Variants in ASAP1 observed in about 807,000 individuals in gnomAD.
ASAP1 encodes the protein arf-GAP with SH3 domain, ANK repeat and PH domain-containing protein 1.
In ASAP1, 43 loss-of-function variants were observed where a neutral mutation model predicts 145.2. The ratio of observed to expected loss-of-function variants is 0.30; its 90% CI spans 0.23 to 0.38. ASAP1 has a LOEUF of 0.38. Among genes scored for constraint, ASAP1 ranks in the 10% least tolerant of loss-of-function variants. The pLI, the probability that ASAP1 is intolerant of heterozygous loss-of-function variation, is 1.00. For missense variants in ASAP1, 1,018 were observed against 1,355.3 expected, an observed-to-expected ratio of 0.75 and a Z score of 3.91; for synonymous variants, 546 against 515.5, an observed-to-expected ratio of 1.06 and a Z score of -0.80.
At chr8:130,081,239 C>T (rs1483811016) in intron 25 of ASAP1, among the ~76,000 whole-genome samples, 3 of 152,174 alleles carry the variant, frequency 2.0e-5, no homozygotes, top group Non-Finnish European at 4.4e-5. Context: ...AAACCAGAGG[C>T]ACACAGGTGG....
At chr8:130,148,477 G>C (rs1222994965) in intron 13 of ASAP1, among the ~76,000 whole-genome samples, 1 of 152,200 alleles carries the variant, frequency 6.6e-6, no homozygotes, top group African/African-American at 2.4e-5. Context: ...GAGAAATGAA[G>C]ATAGTGATGC....
At chr8:130,378,971 A>T (rs538084221) in intron 2 of ASAP1, among the ~76,000 whole-genome samples, 13 of 152,180 alleles carry the variant, frequency 8.5e-5, no homozygotes, top group African/African-American at 3.1e-4. Context: ...TTTGTCCTTG[A>T]CTTCTGGCAC....
At chr8:130,130,567 CA>C (rs897181223) in intron 15 of ASAP1, among the ~76,000 whole-genome samples, 2 of 152,142 alleles carry the variant, frequency 1.3e-5, no homozygotes, top group Admixed American at 1.3e-4. Flanking sequence ...CAAGCATACT[CA>C]AAAGCATAAA....
intron 3 of ASAP1, among the ~76,000 whole-genome samples, chr8:130,241,215 G>C (rs1008641498): frequency 1.3e-5 from 2 of 152,078 alleles, no homozygotes; most frequent in African/African-American, 4.8e-5. Context: ...CTCGGATTAA[G>C]AGTCCTTTCC....
At chr8:130,359,618 G>A (rs1379262373) in intron 2 of ASAP1, among the ~76,000 whole-genome samples, 1 of 134,164 alleles carries the variant, frequency 7.5e-6, no homozygotes, top group Non-Finnish European at 1.6e-5. Context: ...ATCTTGCACT[G>A]TTTTTTTTTT....
At chr8:130,070,290 G>T (rs2097440146) in intron 27 of ASAP1, among the ~76,000 whole-genome samples, 1 of 152,126 alleles carries the variant, frequency 6.6e-6, no homozygotes, top group Non-Finnish European at 1.5e-5. Context: ...GCCCACCTTG[G>T]CCTCTCAAAG....
intron 25 of ASAP1, among the ~76,000 whole-genome samples, chr8:130,085,489 C>G (rs187625814): frequency 4.6e-5 from 7 of 152,148 alleles, no homozygotes; most frequent in Admixed American, 1.3e-4. Flanking sequence ...AATCCCAGCA[C>G]TTTGGGAGGT....
At position 130,072,824 on chromosome 8, in the gene ASAP1, T is replaced by TGTGTGTGTGTGTGTGCACGCGCGCGC; in HGVS notation, c.2701+3523_2701+3524insGCGCGCGCGTGCACACACACACACAC. On this transcript the variant is annotated intron_variant, in intron 27 of 29. Coordinates refer to ENST00000518721, the MANE Select transcript of ASAP1 (RefSeq NM_018482.4). ...GTGTGTGTGTGTGTGTGTGTGTGTG[T>TGTGTGTGTGTGTGTGCACGCGCGCGC]GCGCGCGGGGGGGGGCAGTTTTGGG... Among the ~76,000 whole-genome samples the TGTGTGTGTGTGTGTGCACGCGCGCGC allele has an allele frequency of 3.1e-4, 10 of 32,276 alleles. 1 individual carries two copies. The highest frequency in any genetic ancestry group is 5.2e-4 in the Non-Finnish European group (9 of 17,432). The allele number at this position is 32,276 out of a possible 152,430, so 21.2% of individuals were successfully genotyped here.
In ASAP1 at chr8:130,176,005, G is replaced by C. The variant is rs145917673; in HGVS notation, c.746+3259C>G. On this transcript the variant is annotated intron_variant, in intron 9 of 29. Coordinates refer to ENST00000518721, the MANE Select transcript of ASAP1 (RefSeq NM_018482.4). ...GGAGGTAAAAGGAGCAGGTGAACTG[G>C]AGGATATGTCTGTTTGGAAAGCAGC... 2.5e-3 allele frequency among the ~76,000 whole-genome samples: 384 copies of C among 152,286 alleles called. 1 individual carries two copies. Among genetic ancestry groups the C allele is most frequent in the African/African-American group, 8.9e-3 (369 of 41,546 alleles).
At chr8:130,424,434 G>A (rs773523086) in intron 1 of ASAP1, among the ~76,000 whole-genome samples, 14 of 152,194 alleles carry the variant, frequency 9.2e-5, no homozygotes, top group Non-Finnish European at 1.9e-4. Context: ...CTTCAGCACC[G>A]CTGATTCAAA....
intron 5 of ASAP1, among the ~76,000 whole-genome samples, chr8:130,213,474 T>C (rs947384764): frequency 2.0e-5 from 3 of 152,226 alleles, no homozygotes; most frequent in Non-Finnish European, 4.4e-5. Flanking sequence ...TTGTATCTAA[T>C]GGATTATGAC....
At chr8:130,396,882 G>A (rs1008889655) in intron 2 of ASAP1, among the ~76,000 whole-genome samples, 1 of 152,212 alleles carries the variant, frequency 6.6e-6, no homozygotes, top group African/African-American at 2.4e-5. Context: ...AGGGTCTAAA[G>A]TTTAGGTCAC....
chr8:130,259,183 C>T (rs1819746951), intron 3 of ASAP1, among the ~76,000 whole-genome samples: 1 of 152,186 alleles, frequency 6.6e-6, no homozygotes, highest in South Asian at 2.1e-4. Flanking sequence ...CTAAGATGGG[C>T]TGAATTTTCT....
chr8:130,370,170 C>T (rs141356636), intron 2 of ASAP1, among the ~76,000 whole-genome samples: 5 of 152,202 alleles, frequency 3.3e-5, no homozygotes, highest in East Asian at 3.9e-4. Flanking sequence ...AGCATGGTGG[C>T]GCACACATAT....
At chr8:130,378,794 C>G (rs955029919) in intron 2 of ASAP1, among the ~76,000 whole-genome samples, 2 of 152,200 alleles carry the variant, frequency 1.3e-5, no homozygotes, top group African/African-American at 4.8e-5. Flanking sequence ...ATTAGCAGTT[C>G]TAGACAGCAA....
chr8:130,079,977 A>C lies in ASAP1; in HGVS notation c.2573-6T>G, dbSNP rs1253226159. The C allele has an allele frequency of 6.2e-7, 1 of 1,613,470 alleles. No homozygotes were observed. Among genetic ancestry groups the C allele is most frequent in the Non-Finnish European group, 8.5e-7 (1 of 1,179,420 alleles). ...GGATGGACCCCCATCGTTACCTACA[A>C]GGAAAACCGAAGGTGAAAAGGTATG... On this transcript the variant is annotated splice_region_variant and splice_polypyrimidine_tract_variant and intron_variant, in intron 25 of 29. Transcript: ENST00000518721.
At chr8:130,400,444 T>C (rs1828733648) in intron 2 of ASAP1, among the ~76,000 whole-genome samples, 1 of 150,134 alleles carries the variant, frequency 6.7e-6, no homozygotes, top group Non-Finnish European at 1.5e-5. Flanking sequence ...AGCTGCAAAA[T>C]GGAATAAATC....
intron 13 of ASAP1, among the ~76,000 whole-genome samples, chr8:130,146,000 C>A (rs1308802943): frequency 6.7e-6 from 1 of 150,308 alleles, no homozygotes; most frequent in Non-Finnish European, 1.5e-5. Flanking sequence ...TGCCACCATA[C>A]CTGGCTAAGT....
At chr8:130,336,157 G>C (rs1431334204) in intron 3 of ASAP1, among the ~76,000 whole-genome samples, 2 of 152,172 alleles carry the variant, frequency 1.3e-5, no homozygotes, top group Non-Finnish European at 2.9e-5. Context: ...TATCACCCAA[G>C]ATAAATGTTT....
Sources: allele counts gnomAD v4.1 joint callset (sites outside exome capture counted in the v4.1 genomes callset), GRCh38; gene constraint gnomAD v4.1.1; transcripts MANE v1.5; gene names NCBI Gene and HGNC (gene_info 2026-07-23, HGNC 2026-07-21).